The following CNTNAP2 variants were observed in gnomAD, a reference collection of about 807,000 sequenced individuals.
CNTNAP2 encodes the protein contactin-associated protein-like 2.
In CNTNAP2, 98 loss-of-function variants were observed where a neutral mutation model predicts 155.2. The ratio of observed to expected loss-of-function variants is 0.63; its 90% CI spans 0.54 to 0.75. The LOEUF is 0.75. Ranked by LOEUF, CNTNAP2 falls within the 30% of genes least tolerant of loss-of-function variation. The pLI is 0.00. For missense variants in CNTNAP2, 1,727 were observed against 1,688.1 expected (o/e 1.02, Z -0.40); for synonymous variants, 651 against 631.2 (o/e 1.03, Z -0.47).
intron 1 of CNTNAP2, among the ~76,000 whole-genome samples, chr7:146,130,302 G>T (rs1035164934): frequency 1.3e-5 from 2 of 152,068 alleles, no homozygotes; most frequent in African/African-American, 2.4e-5. Context: ...TCTCTACAAA[G>T]AAATATTTAA....
rs547459872 is a variant in CNTNAP2, at chr7:146,389,312, T to C, written c.97+272339T>C. Among the ~76,000 whole-genome samples, 11 of 152,280 alleles carry C rather than the reference T, an allele frequency of 7.2e-5. No individual in the cohort carries two copies. In the East Asian group the frequency reaches 1.9e-3, roughly 27 times the overall value. ...TGTCCTAAAGAGGACATCTGTGTTT[T>C]AGTTTTGCTTCAAAACTGAAAACTG... On this transcript the variant is annotated intron_variant, in intron 1 of 23. Transcript: ENST00000361727.
chr7:147,654,892 C>T (rs996166246), intron 13 of CNTNAP2, among the ~76,000 whole-genome samples: 2 of 139,130 alleles, frequency 1.4e-5, no homozygotes, highest in Non-Finnish European at 3.0e-5. Flanking sequence ...TGGCTCACTG[C>T]TGCAACCTCC....
At chr7:146,139,137 A>C (rs1045769735) in intron 1 of CNTNAP2, among the ~76,000 whole-genome samples, 2 of 152,098 alleles carry the variant, frequency 1.3e-5, no homozygotes, top group African/African-American at 4.8e-5. Context: ...TGCGTGGGTG[A>C]CTGGGAGCTT....
At chr7:147,641,115 C>G (rs1472014866) in intron 13 of CNTNAP2, among the ~76,000 whole-genome samples, 1 of 152,190 alleles carries the variant, frequency 6.6e-6, no homozygotes, top group South Asian at 2.1e-4. Flanking sequence ...TCAAAGCTTG[C>G]CGGCCTGGCT....
At chr7:147,383,765 AT>A (rs1796581074) in intron 9 of CNTNAP2, among the ~76,000 whole-genome samples, 1 of 151,744 alleles carries the variant, frequency 6.6e-6, no homozygotes, top group African/African-American at 2.4e-5. Flanking sequence ...CTGCACATGT[AT>A]CCCAGAACTT....
intron 8 of CNTNAP2, among the ~76,000 whole-genome samples, chr7:147,296,572 A>G (rs947575736): frequency 1.3e-5 from 2 of 152,254 alleles, no homozygotes; most frequent in African/African-American, 4.8e-5. Context: ...CTCTGGGATT[A>G]AATGACTTAA....
chr7:146,700,328 G>C (rs1170716533), intron 1 of CNTNAP2, among the ~76,000 whole-genome samples: 1 of 152,028 alleles, frequency 6.6e-6, no homozygotes, highest in East Asian at 1.9e-4. Context: ...TTATCTGAAG[G>C]ATCTAAGAAA....
intron 13 of CNTNAP2, among the ~76,000 whole-genome samples, chr7:147,754,344 C>G (rs1428127930): frequency 6.6e-6 from 1 of 152,104 alleles, no homozygotes; most frequent in African/African-American, 2.4e-5. Context: ...TGTATTCTGT[C>G]CTTTTAGTAG....
intron 21 of CNTNAP2, among the ~76,000 whole-genome samples, chr7:148,345,847 A>AT (rs201072236): frequency 2.6e-5 from 4 of 151,214 alleles, no homozygotes; most frequent in Non-Finnish European, 3.0e-5. Context: ...GTTCTGACTG[A>AT]TTTTTTTTTC....
At chr7:146,963,688 A>C (rs1387822780) in intron 3 of CNTNAP2, among the ~76,000 whole-genome samples, 1 of 152,182 alleles carries the variant, frequency 6.6e-6, no homozygotes, top group Non-Finnish European at 1.5e-5. Context: ...AAAAAACAAA[A>C]TTTCATAGTG....
At chr7:147,264,315 T>C (rs539109969) in intron 8 of CNTNAP2, among the ~76,000 whole-genome samples, 1 of 152,188 alleles carries the variant, frequency 6.6e-6, no homozygotes, top group South Asian at 2.1e-4. Flanking sequence ...CAGTTAGATA[T>C]TTATTTATTG....
At chr7:147,313,093 A>T (rs1795155571) in intron 9 of CNTNAP2, among the ~76,000 whole-genome samples, 1 of 130,638 alleles carries the variant, frequency 7.7e-6, no homozygotes, top group African/African-American at 3.2e-5. Flanking sequence ...TCCTTCGCCC[A>T]CTTTTTGATG....
chr7:147,914,532 C>T (rs1197532344), intron 14 of CNTNAP2, among the ~76,000 whole-genome samples: 1 of 147,324 alleles, frequency 6.8e-6, no homozygotes, highest in Admixed American at 6.8e-5. Flanking sequence ...AAGAGCGAAA[C>T]TCCATCTAAC....
chr7:146,876,259 A>T (rs1168375344), intron 3 of CNTNAP2, among the ~76,000 whole-genome samples: 3 of 152,068 alleles, frequency 2.0e-5, no homozygotes, highest in Admixed American at 2.0e-4. Context: ...GCAGACACTG[A>T]AGGTCATATT....
At chr7:147,371,731 C>G (rs1796340139) in intron 9 of CNTNAP2, among the ~76,000 whole-genome samples, 2 of 152,082 alleles carry the variant, frequency 1.3e-5, no homozygotes, top group African/African-American at 4.8e-5. Context: ...CTCATTTGTT[C>G]CCTCTGACAG....
At chr7:146,204,587 G>T (rs1270329714) in intron 1 of CNTNAP2, among the ~76,000 whole-genome samples, 1 of 152,066 alleles carries the variant, frequency 6.6e-6, no homozygotes. Flanking sequence ...TCTTTGTATG[G>T]AGTCTCTCTC....
At chr7:146,350,948 A>G (rs1398045478) in intron 1 of CNTNAP2, among the ~76,000 whole-genome samples, 17 of 147,584 alleles carry the variant, frequency 1.2e-4, no homozygotes, top group Non-Finnish European at 2.1e-4. Flanking sequence ...CAAACACCGC[A>G]TGTTCTCACT....
At chr7:146,730,568 C>A (rs1296222736) in intron 1 of CNTNAP2, among the ~76,000 whole-genome samples, 1 of 152,184 alleles carries the variant, frequency 6.6e-6, no homozygotes, top group Non-Finnish European at 1.5e-5. Context: ...TTACCTGATT[C>A]ATTTCTTATT....
rs543332153 is a variant in CNTNAP2 at position 148,131,185 on chromosome 7, G to A, written c.2554+12897G>A. 6.2e-5 allele frequency among the ~76,000 whole-genome samples: 8 copies of A among 129,512 alleles called. No homozygotes were observed. In the South Asian group the frequency reaches 8.3e-4, roughly 13 times the overall value. 85.0% of individuals were successfully genotyped at this position (129,512 alleles called of 152,430 possible). Reference sequence around the variant, plus strand: ...ATCTCAGCAGCTCACCACAACCTCCGCCTCCCGGGTTCAAGCAATTCTCCT... The same window carrying A: ...ATCTCAGCAGCTCACCACAACCTCCACCTCCCGGGTTCAAGCAATTCTCCT... On this transcript the variant is annotated intron_variant, in intron 16 of 23. Coordinates refer to ENST00000361727, the MANE Select transcript of CNTNAP2 (RefSeq NM_014141.6).
Sources: allele counts gnomAD v4.1 joint callset (sites outside exome capture counted in the v4.1 genomes callset), GRCh38; gene constraint gnomAD v4.1.1; transcripts MANE v1.5; gene names NCBI Gene and HGNC (gene_info 2026-07-23, HGNC 2026-07-21).